B3GAT1: variants seen among roughly 807,000 people sequenced by gnomAD.
The protein encoded by B3GAT1 is beta-1,3-glucuronyltransferase 1.
A neutral mutation model predicts 28.4 loss-of-function variants in B3GAT1; 11 were observed. That is an observed-to-expected ratio of 0.39 (90% CI 0.24 to 0.64). The LOEUF (loss-of-function observed/expected upper bound fraction) is 0.64. B3GAT1 is among the 30% of genes least tolerant of loss of function. The pLI is 0.50. For missense variants in B3GAT1, 375 were observed against 491.0 expected, an observed-to-expected ratio of 0.76 and a Z score of 2.23; for synonymous variants, 255 against 223.1, an observed-to-expected ratio of 1.14 and a Z score of -1.27.
chr11:134,404,343 C>T lies in B3GAT1; in HGVS notation c.-282+7464G>A, dbSNP rs1439457932. Among the ~76,000 whole-genome samples the T allele has an allele frequency of 3.3e-5, 5 of 151,750 alleles. No homozygotes were observed. In the East Asian group the frequency reaches 7.8e-4, roughly 24 times the overall value. Reference sequence around the variant, plus strand: ...GAATGGGTACAGAGTTTCCAATGGCCGAGATGAGACAGATCTGGAGATCTG... The same window carrying T: ...GAATGGGTACAGAGTTTCCAATGGCTGAGATGAGACAGATCTGGAGATCTG... On this transcript the variant is annotated intron_variant, in intron 1 of 5. Coordinates refer to ENST00000312527, the MANE Select transcript of B3GAT1 (RefSeq NM_054025.3).
intron 1 of B3GAT1, among the ~76,000 whole-genome samples, chr11:134,407,382 G>C (rs905276743): frequency 1.4e-4 from 21 of 152,222 alleles, no homozygotes; most frequent in Non-Finnish European, 4.4e-5. Flanking sequence ...TCCCCACGCC[G>C]TGCCGTCATG....
chr11:134,388,099 G>C (rs1944335188), intron 1 of B3GAT1, 159 bp from the exon 2 acceptor site: 1 of 369,272 alleles, frequency 2.7e-6, no homozygotes, highest in African/African-American at 2.1e-5. Flanking sequence ...TGTTAGAGTG[G>C]AATGGGCTCT....
chr11:134,382,126 C>T (rs183601273), intron 4 of B3GAT1, 102 bp from the exon 5 acceptor site: 4 of 886,866 alleles, frequency 4.5e-6, no homozygotes, highest in East Asian at 2.5e-5. Context: ...TCCTGCCCCT[C>T]CTTTTCCTTC....
chr11:134,393,762 G>C lies in B3GAT1; in HGVS notation c.-281-5822C>G, dbSNP rs140499567. ...GTGGTGACAGCAGAGGGAGCCCCAG[G>C]CATCACACGGCGCCGGTCAGTGTGC... On this transcript the variant is annotated intron_variant, in intron 1 of 5. Coordinates refer to ENST00000312527, the MANE Select transcript of B3GAT1 (RefSeq NM_054025.3). The surrounding 1 kb of genome is among the most constrained non-coding windows in gnomAD (Gnocchi z 4.0). Among the ~76,000 whole-genome samples, 257 of 152,254 alleles carry C rather than the reference G, an allele frequency of 1.7e-3. No individual in the cohort carries two copies. Among genetic ancestry groups the C allele is most frequent in the African/African-American group, 5.8e-3 (239 of 41,558 alleles).
chr11:134,387,473 A>G, intron 2 of B3GAT1, 75 bp downstream of exon 2: 1 of 1,580,770 alleles, frequency 6.3e-7, no homozygotes, highest in South Asian at 1.2e-5. Flanking sequence ...TGCAAGCAAG[A>G]ACCCTGCGTG....
At chr11:134,399,788 A>C (rs1359923916) in intron 1 of B3GAT1, among the ~76,000 whole-genome samples, 1 of 152,140 alleles carries the variant, frequency 6.6e-6, no homozygotes, top group African/African-American at 2.4e-5. Flanking sequence ...GAGTGTGTCC[A>C]TCCACAGCAT....
Position 134,387,829 on chromosome 11 carries a change from G to A in B3GAT1, c.-170C>T, listed in dbSNP as rs1177198697. ...GAATGTTGGCTAGCAGGTCTTACCAGCACTCACAACCCACCCATTGCGGAA... is the reference window on the plus strand; with the variant it reads ...GAATGTTGGCTAGCAGGTCTTACCAACACTCACAACCCACCCATTGCGGAA... On this transcript the variant is annotated 5_prime_UTR_variant, in exon 2 of 6. Transcript: ENST00000312527. 25 of 1,532,602 alleles carry A rather than the reference G, an allele frequency of 1.6e-5. No homozygotes were observed. Among genetic ancestry groups the A allele is most frequent in the Non-Finnish European group, 2.1e-5 (24 of 1,144,800 alleles). 94.9% of individuals were successfully genotyped at this position (1,532,602 alleles called of 1,614,324 possible).
chr11:134,408,969 A>G (rs1944794751), intron 1 of B3GAT1, among the ~76,000 whole-genome samples: 1 of 152,060 alleles, frequency 6.6e-6, no homozygotes, highest in Non-Finnish European at 1.5e-5. Context: ...GCCTGCACCG[A>G]TTCCAGTGGG....
Position 134,402,641 on chromosome 11 carries a change from A to T in B3GAT1, c.-282+9166T>A, listed in dbSNP as rs190361541. On this transcript the variant is annotated intron_variant, in intron 1 of 5. Transcript: ENST00000312527. Reference sequence around the variant, plus strand: ...TAAAATGTTGAACTGGGTCAGGCACAGTGACTCATGCCTGTAACCCCAGCA... The same window carrying T: ...TAAAATGTTGAACTGGGTCAGGCACTGTGACTCATGCCTGTAACCCCAGCA... 5.9e-5 allele frequency among the ~76,000 whole-genome samples: 9 copies of T among 152,322 alleles called. No homozygotes were observed. The East Asian group carries it at 1.7e-3, about 29-fold the overall frequency.
At chr11:134,392,710 T>A (rs1266473373) in intron 1 of B3GAT1, among the ~76,000 whole-genome samples, 1 of 151,924 alleles carries the variant, frequency 6.6e-6, no homozygotes, top group South Asian at 2.1e-4. Context: ...CTGTGCGCTG[T>A]GAATAAGGAC....
At position 134,387,788 on chromosome 11, in the gene B3GAT1, A is replaced by G. The variant is rs576750792; in HGVS notation, c.-129T>C. ...CATGGGCCGGGCCGGCCAGGCATGG[A>G]GAGGACAGAGCAGCTGAATGTTGGC... On this transcript the variant is annotated 5_prime_UTR_variant, in exon 2 of 6. Coordinates refer to ENST00000312527, the MANE Select transcript of B3GAT1 (RefSeq NM_054025.3). The G allele has an allele frequency of 7.1e-6, 11 of 1,540,788 alleles. No homozygotes were observed. The East Asian group carries it at 2.2e-4, about 31-fold the overall frequency.
chr11:134,381,645 C>T (rs1468204489), intron 5 of B3GAT1: 6 of 408,062 alleles, frequency 1.5e-5, no homozygotes, highest in Admixed American at 7.6e-5. Context: ...GGGGTGCAGG[C>T]GTCACTGCCA....
intron 1 of B3GAT1, among the ~76,000 whole-genome samples, chr11:134,403,983 T>TTTTA (rs531926951): frequency 1.2e-4 from 5 of 40,684 alleles, no homozygotes; most frequent in African/African-American, 6.2e-4. Flanking sequence ...GTTTCTTTCT[T>TTTTA]TATATATATA....
chr11:134,407,624 G>T (rs1007757523), intron 1 of B3GAT1, among the ~76,000 whole-genome samples: 2 of 152,356 alleles, frequency 1.3e-5, no homozygotes, highest in African/African-American at 4.8e-5. Context: ...GGCACTTGGC[G>T]CGGAGGCTGC....
rs1286418289 is a variant in B3GAT1 at position 134,412,215 on chromosome 11, G to A, written c.-690C>T. ...CCGGCGCAGAGTCCCCGAGGTGGCG[G>A]CGGATGCGCCGGTGCCGCCGCGGCT... is the stretch of plus-strand genomic sequence containing the variant. On this transcript the variant is annotated 5_prime_UTR_variant, in exon 1 of 6. Coordinates refer to ENST00000312527, the MANE Select transcript of B3GAT1 (RefSeq NM_054025.3). 6.9e-6 allele frequency among the ~76,000 whole-genome samples: 1 copy of A among 145,232 alleles called. No homozygotes were observed. The highest frequency in any genetic ancestry group is 2.1e-4 in the South Asian group (1 of 4,774).
chr11:134,404,514 G>A (rs1034416261), intron 1 of B3GAT1, among the ~76,000 whole-genome samples: 3 of 152,226 alleles, frequency 2.0e-5, no homozygotes, highest in African/African-American at 7.2e-5. Flanking sequence ...ACACAGTCAA[G>A]GACAGCACAC....
chr11:134,390,811 G>T (rs1944395404), intron 1 of B3GAT1: 1 of 152,304 alleles, frequency 6.6e-6, no homozygotes, highest in Admixed American at 6.5e-5. Flanking sequence ...CTGTCATCGG[G>T]GGCATAGGAT....
chr11:134,407,494 C>T (rs975776476), intron 1 of B3GAT1, among the ~76,000 whole-genome samples: 1 of 152,256 alleles, frequency 6.6e-6, no homozygotes. Flanking sequence ...GCTCAGAAGA[C>T]TGAGCCGTGG....
intron 1 of B3GAT1, among the ~76,000 whole-genome samples, chr11:134,406,359 C>T (rs538219611): frequency 6.6e-6 from 1 of 152,314 alleles, no homozygotes; most frequent in South Asian, 2.1e-4. Context: ...CAGTGGCACT[C>T]ACCTCCAAAA....
Sources: allele counts gnomAD v4.1 joint callset (sites outside exome capture counted in the v4.1 genomes callset), GRCh38; gene constraint gnomAD v4.1.1; non-coding constraint Gnocchi (gnomAD v3.1); transcripts MANE v1.5; gene names NCBI Gene and HGNC (gene_info 2026-07-23, HGNC 2026-07-21).